The following CPNE2 variants were observed in gnomAD, a reference collection of about 807,000 sequenced individuals.
CPNE2 encodes the protein copine-2.
Under a neutral mutation model 69.7 loss-of-function variants are expected in CPNE2, and 42 were observed. That is an observed-to-expected ratio of 0.60 (90% CI 0.47 to 0.78). CPNE2 has a LOEUF of 0.78. Among genes scored for constraint, CPNE2 ranks in the 30% least tolerant of loss-of-function variants. The pLI is 0.00. For missense variants in CPNE2, 587 were observed against 732.0 expected (o/e 0.80, Z 2.29); for synonymous variants, 294 against 289.8 (o/e 1.01, Z -0.15).
At chr16:57,114,934 CAAAAAAAAAAAA>C (rs55845635) in intron 3 of CPNE2, among the ~76,000 whole-genome samples, 7 of 39,050 alleles carry the variant, frequency 1.8e-4, no homozygotes, top group South Asian at 2.3e-3. Context: ...TTGTCTCTAC[CAAAAAAAAAAAA>C]AAAAAAAAAA....
rs2069757942 is a variant in CPNE2 at position 57,121,073 on chromosome 16, C to G, written c.682-20C>G. 6.3e-7 allele frequency: 1 copy of G among 1,597,028 alleles called. No homozygotes were observed. On this transcript the variant is annotated intron_variant, in intron 7 of 15. Transcript: ENST00000290776. ...CTCTTGGGGGACAGCTCTGGGGTGA[C>G]CGTGCTGAACCCACCCCAGGTCATG... is the stretch of plus-strand genomic sequence containing the variant.
intron 11 of CPNE2, among the ~76,000 whole-genome samples, chr16:57,127,064 C>T (rs1229145535): frequency 1.3e-5 from 2 of 152,186 alleles, no homozygotes; most frequent in Non-Finnish European, 2.9e-5. Context: ...GGTCCCTGTC[C>T]TCAGGGAGTT....
rs748992560 is a variant in CPNE2 at position 57,123,366 on chromosome 16, AGTGTG to A, written c.868-47_868-43del. On this transcript the variant is annotated intron_variant, in intron 9 of 15. Coordinates refer to ENST00000290776, the MANE Select transcript of CPNE2 (RefSeq NM_152727.6). The stretch of plus-strand genomic sequence containing the variant: ...ATAGAGCAACAACTCCCCCATGGGG[AGTGTG>A]ACCAAGTCAAGGGGACCCACTGACT... The A allele has an allele frequency of 4.3e-5, 69 of 1,590,416 alleles. No homozygotes were observed. The African/African-American group carries it at 8.6e-4, about 20-fold the overall frequency.
In CPNE2 at chr16:57,104,217, C is replaced by T. The variant is rs113939427; in HGVS notation, c.-35-6491C>T. On this transcript the variant is annotated intron_variant, in intron 1 of 15. Transcript: ENST00000290776. ...ACAGGTGTGAGCCACCACGCCCGGC[C>T]GGAAGGCACTCTTGTTCCCATTTTA... Among the ~76,000 whole-genome samples the T allele has an allele frequency of 1.4e-4, 21 of 152,298 alleles. No homozygotes were observed. In the South Asian group the frequency reaches 2.3e-3, roughly 17 times the overall value.
At chr16:57,094,499 A>G (rs1358449133) in intron 1 of CPNE2, among the ~76,000 whole-genome samples, 1 of 152,184 alleles carries the variant, frequency 6.6e-6, no homozygotes, top group Non-Finnish European at 1.5e-5. Flanking sequence ...GTAAAACAGT[A>G]AGTACTGGAC....
chr16:57,101,094 G>A (rs1233452780), intron 1 of CPNE2, among the ~76,000 whole-genome samples: 1 of 152,188 alleles, frequency 6.6e-6, no homozygotes, highest in Non-Finnish European at 1.5e-5. Flanking sequence ...GAGGCCTTCA[G>A]GGCAAAGACT....
intron 1 of CPNE2, among the ~76,000 whole-genome samples, chr16:57,101,067 C>A (rs1434905518): frequency 2.0e-5 from 3 of 152,056 alleles, no homozygotes; most frequent in Non-Finnish European, 4.4e-5. Flanking sequence ...TATGTGTGGC[C>A]CTCATTCAAT....
chr16:57,145,589 G>T, intron 14 of CPNE2: 1 of 184,428 alleles, frequency 5.4e-6, no homozygotes, highest in South Asian at 9.7e-5. Flanking sequence ...GAGAGGGGGA[G>T]ACCGGTCCCA....
intron 2 of CPNE2, among the ~76,000 whole-genome samples, chr16:57,112,113 A>G (rs557763903): frequency 3.8e-4 from 58 of 152,354 alleles, no homozygotes; most frequent in African/African-American, 1.2e-3. Flanking sequence ...ACTGTGGTTT[A>G]CAAAGAGTTC....
intron 9 of CPNE2, chr16:57,123,159 C>T (rs2145261219): frequency 1.9e-6 from 1 of 530,502 alleles, no homozygotes; most frequent in East Asian, 3.0e-5. Context: ...TGGGCCCTGG[C>T]ACCCTGCCTG....
Position 57,110,891 on chromosome 16 carries a change from T to A in CPNE2, c.149T>A (p.Leu50His). 6.2e-7 allele frequency: 1 copy of A among 1,613,106 alleles called. No individual in the cohort carries two copies. Among genetic ancestry groups the A allele is most frequent in the Non-Finnish European group, 8.5e-7 (1 of 1,179,486 alleles). ...TCCAAGTCCGACCCCTTCTGTGTCCTCTTTACAGAGAACAATGGCAGATGG... is the reference window on the plus strand; with the variant it reads ...TCCAAGTCCGACCCCTTCTGTGTCCACTTTACAGAGAACAATGGCAGATGG... ...VTSKSDPFCV[L>H]FTENNGRWIE... Residue 50 changes from leucine to histidine, a missense_variant, in exon 2 of 16, where the codon CTC (leucine) becomes CAC (histidine). Physicochemically the swap from Leu to His is moderately conservative, Grantham distance 99 (BLOSUM62 -3). Around this residue, in one of 5 missense-constraint regions of CPNE2, gnomAD observed 96 missense variants for 94.9 expected, o/e 1.01. Transcript: ENST00000290776.
At chr16:57,125,325 G>A (rs1358950605) in intron 10 of CPNE2, 1 of 456,004 alleles carries the variant, frequency 2.2e-6, no homozygotes, top group Non-Finnish European at 4.4e-6. Context: ...GCTCCCAGCT[G>A]ATCGGGGAGA....
At chr16:57,124,703 C>T in intron 10 of CPNE2, 1 of 248,432 alleles carries the variant, frequency 4.0e-6, no homozygotes, top group Non-Finnish European at 8.2e-6. Context: ...TGCTGGGGTG[C>T]CACGCTCTGC....
At chr16:57,117,719 G>T (rs191471445) in intron 5 of CPNE2, 152 bp downstream of exon 5, 14 of 797,582 alleles carry the variant, frequency 1.8e-5, no homozygotes, top group Non-Finnish European at 2.1e-6. Context: ...TCCAGATTAG[G>T]ACTCCTTCAC....
At chr16:57,145,309 A>G (rs2069949078) in intron 14 of CPNE2, among the ~76,000 whole-genome samples, 1 of 152,242 alleles carries the variant, frequency 6.6e-6, no homozygotes, top group South Asian at 2.1e-4. Flanking sequence ...TGAAAGACAC[A>G]GTAGTACCAA....
rs778811580 is a variant in CPNE2 at position 57,115,516 on chromosome 16, T to C, written c.401T>C (p.Leu134Pro). Reference protein sequence around the residue: ...SKKITRPLLLLNDKPAGKGLI... With the variant: ...SKKITRPLLLPNDKPAGKGLI... ...AAGATCACTAGGCCTCTGCTGCTGCTGAATGACAAGCCTGCGGGGAAGGGC... is the reference window on the plus strand; with the variant it reads ...AAGATCACTAGGCCTCTGCTGCTGCCGAATGACAAGCCTGCGGGGAAGGGC... The change falls in exon 4 of 16, where the codon CTG (leucine) becomes CCG (proline). Residue 134 changes from leucine to proline, a missense_variant. Physicochemically the swap from Leu to Pro is moderately conservative, Grantham distance 98 (BLOSUM62 -3). Around this residue, in one of 5 missense-constraint regions of CPNE2, gnomAD observed 269 missense variants for 300.5 expected, o/e 0.90. Transcript: ENST00000290776. 6.2e-7 allele frequency: 1 copy of C among 1,612,846 alleles called. No individual in the cohort carries two copies. Among genetic ancestry groups the C allele is most frequent in the South Asian group, 1.1e-5 (1 of 90,906 alleles).
intron 5 of CPNE2, 124 bp downstream of exon 5, chr16:57,117,691 C>T (rs535576240): frequency 8.3e-6 from 9 of 1,088,204 alleles, no homozygotes; most frequent in South Asian, 4.2e-5. Flanking sequence ...TGGTCCAGCA[C>T]GGGGCCCTCC....
chr16:57,142,823 G>A (rs2069932254), intron 14 of CPNE2: 1 of 152,220 alleles, frequency 6.6e-6, no homozygotes. Context: ...CCTAGACTCT[G>A]CCTGGAACTG....
intron 7 of CPNE2, 72 bp from the exon 8 acceptor site, chr16:57,121,020 TG>T (rs2069757377): frequency 9.0e-7 from 1 of 1,106,930 alleles, no homozygotes; most frequent in Non-Finnish European, 1.3e-6. Context: ...AGGGTTTGCT[TG>T]GGGAGTTGAG....
Sources: gnomAD v4.1 joint callset for allele counts (sites outside exome capture counted in the v4.1 genomes callset) on GRCh38, gnomAD v4.1.1 for gene constraint, gnomAD v4.1.1 regional missense constraint, MANE v1.5 for transcripts, NCBI Gene and HGNC (gene_info 2026-07-23, HGNC 2026-07-21) for gene names.